FOXK1: variants seen among roughly 807,000 people sequenced by gnomAD.
The protein encoded by FOXK1 is forkhead box protein K1.
A neutral mutation model predicts 51.9 loss-of-function variants in FOXK1; 19 were observed. The observed-to-expected ratio is 0.37, with a 90% CI of 0.26 to 0.54. FOXK1 has a LOEUF of 0.54. Among genes scored for constraint, FOXK1 ranks in the 20% least tolerant of loss-of-function variants. The pLI is 0.87. For missense variants in FOXK1, 870 were observed against 1,032.7 expected, an observed-to-expected ratio of 0.84 and a Z score of 2.16; for synonymous variants, 537 against 482.6, an observed-to-expected ratio of 1.11 and a Z score of -1.48.
Position 4,749,608 on chromosome 7 carries a change from G to A in FOXK1, c.747-4851G>A, listed in dbSNP as rs952588106. 6.6e-6 allele frequency among the ~76,000 whole-genome samples: 1 copy of A among 152,174 alleles called. No homozygotes were observed. Among genetic ancestry groups the A allele is most frequent in the African/African-American group, 2.4e-5 (1 of 41,444 alleles). On this transcript the variant is annotated intron_variant, in intron 2 of 8. Transcript: ENST00000328914. This position sits in a 1 kb window ranked among gnomAD's most constrained non-coding sequence, Gnocchi z 6.0. ...AGGCGGGTCCCTCTGTGTCTCTAGG[G>A]CTTCAGGAGGGATCAGGTCCCTTCT...
In FOXK1 at chr7:4,729,404, T is replaced by C. The variant is rs898013359; in HGVS notation, c.561-11434T>C. 3.9e-5 allele frequency among the ~76,000 whole-genome samples: 6 copies of C among 152,088 alleles called. No homozygotes were observed. Among genetic ancestry groups the C allele is most frequent in the Non-Finnish European group, 7.4e-5 (5 of 68,014 alleles). On this transcript the variant is annotated intron_variant, in intron 1 of 8. Coordinates refer to ENST00000328914, the MANE Select transcript of FOXK1 (RefSeq NM_001037165.2). This position sits in a 1 kb window ranked among gnomAD's most constrained non-coding sequence, Gnocchi z 6.2. ...GTCACCACGGGTCCCCATGTTGGGA[T>C]TGGGAAGCAGTCACCTACCAGATGA...
At position 4,758,015 on chromosome 7, in the gene FOXK1, G is replaced by A. The variant is rs1201511602; in HGVS notation, c.1244+828G>A. ...ATTAAAAATAAGATTTTAGTTCTTA[G>A]AAGTGGAAATGTGTGTAGCAATAGG... On this transcript the variant is annotated intron_variant, in intron 5 of 8. Coordinates refer to ENST00000328914, the MANE Select transcript of FOXK1 (RefSeq NM_001037165.2). This position sits in a 1 kb window ranked among gnomAD's most constrained non-coding sequence, Gnocchi z 4.4. The A allele has an allele frequency of 6.6e-6, 1 of 152,236 alleles. No individual in the cohort carries two copies. Among genetic ancestry groups the A allele is most frequent in the African/African-American group, 2.4e-5 (1 of 41,454 alleles). The allele number at this position is 152,236 out of a possible 1,614,324, so 9.4% of individuals were successfully genotyped here.
Position 4,762,538 on chromosome 7 carries a change from C to A in FOXK1, c.*74C>A. 16 of 1,440,706 alleles carry A rather than the reference C, an allele frequency of 1.1e-5. No individual in the cohort carries two copies. Among genetic ancestry groups the A allele is most frequent in the Non-Finnish European group, 1.5e-5 (16 of 1,077,754 alleles). The allele number at this position is 1,440,706 out of a possible 1,614,324, so 89.2% of individuals were successfully genotyped here. On this transcript the variant is annotated 3_prime_UTR_variant, in exon 9 of 9. Transcript: ENST00000328914. This position sits in a 1 kb window ranked among gnomAD's most constrained non-coding sequence, Gnocchi z 5.7. ...AGCTGGACCCGGCAGCTCAGGCGGCCGCACCCACAGACGGAGGAGAACAGC... is the reference window on the plus strand; with the variant it reads ...AGCTGGACCCGGCAGCTCAGGCGGCAGCACCCACAGACGGAGGAGAACAGC...
rs1780425435 is a variant in FOXK1 at position 4,729,706 on chromosome 7, C to T, written c.561-11132C>T. Among the ~76,000 whole-genome samples the T allele has an allele frequency of 1.3e-5, 2 of 152,150 alleles. No individual in the cohort carries two copies. The highest frequency in any genetic ancestry group is 2.1e-4 in the South Asian group (1 of 4,832). ...GAGACTTCAGCTTCAAAAAGAAACC[C>T]TGGCCGGGTGCAGCAGCTCACGCCT... On this transcript the variant is annotated intron_variant, in intron 1 of 8. Transcript: ENST00000328914. The surrounding 1 kb of genome is among the most constrained non-coding windows in gnomAD (Gnocchi z 6.2).
chr7:4,734,749 G>T lies in FOXK1; in HGVS notation c.561-6089G>T, dbSNP rs972309432. Among the ~76,000 whole-genome samples the T allele has an allele frequency of 6.6e-6, 1 of 152,152 alleles. No individual in the cohort carries two copies. Among genetic ancestry groups the T allele is most frequent in the East Asian group, 1.9e-4 (1 of 5,190 alleles). ...TGGTCCTCCTGCAGAATTTCAGGTCGCAAGGCTATTTTTGGCGTGAGATGT... is the reference window on the plus strand; with the variant it reads ...TGGTCCTCCTGCAGAATTTCAGGTCTCAAGGCTATTTTTGGCGTGAGATGT... On this transcript the variant is annotated intron_variant, in intron 1 of 8. Coordinates refer to ENST00000328914, the MANE Select transcript of FOXK1 (RefSeq NM_001037165.2). This position sits in a 1 kb window ranked among gnomAD's most constrained non-coding sequence, Gnocchi z 5.2.
chr7:4,691,239 TTTTGCTTTACTTA>T (rs571737972), intron 1 of FOXK1, among the ~76,000 whole-genome samples: 1 of 152,340 alleles, frequency 6.6e-6, no homozygotes, highest in East Asian at 1.9e-4. Flanking sequence ...TTTGGGCATG[TTTTGCTTTACTTA>T]AACATAACAG....
chr7:4,718,488 A>AC (rs1780267031), intron 1 of FOXK1, among the ~76,000 whole-genome samples: 1 of 151,430 alleles, frequency 6.6e-6, no homozygotes, highest in Non-Finnish European at 1.5e-5. Flanking sequence ...TGTTTGTTTG[A>AC]CCCCCTGTCT....
In FOXK1 at chr7:4,738,079, G is replaced by A. The variant is rs985827025; in HGVS notation, c.561-2759G>A. Among the ~76,000 whole-genome samples the A allele has an allele frequency of 1.1e-4, 17 of 149,664 alleles. No homozygotes were observed. The South Asian group carries it at 3.0e-3, about 26-fold the overall frequency. On this transcript the variant is annotated intron_variant, in intron 1 of 8. Coordinates refer to ENST00000328914, the MANE Select transcript of FOXK1 (RefSeq NM_001037165.2). Reference sequence around the variant, plus strand: ...TGAGGTTGCGGTGAGCCAAGATTGCGCCATTGCACTCCACCCTGGGCAATA... The same window carrying A: ...TGAGGTTGCGGTGAGCCAAGATTGCACCATTGCACTCCACCCTGGGCAATA...
intron 1 of FOXK1, among the ~76,000 whole-genome samples, chr7:4,716,955 ATGGCTGGGAGGCGTG>A: frequency 6.6e-6 from 1 of 151,392 alleles, no homozygotes; most frequent in African/African-American, 2.4e-5. Context: ...TGGGAGGCGC[ATGGCTGGGAGGCGTG>A]TGGCTGGGAG....
chr7:4,740,268 A>C (rs1780615244), intron 1 of FOXK1, among the ~76,000 whole-genome samples: 1 of 152,106 alleles, frequency 6.6e-6, no homozygotes, highest in South Asian at 2.1e-4. Context: ...GTCTCTACTA[A>C]AAATATAAAA....
Position 4,735,756 on chromosome 7 carries a change from A to C in FOXK1, c.561-5082A>C, listed in dbSNP as rs542863916. Reference sequence around the variant, plus strand: ...CCACCGTGCAGCACCTTCACGATGCAAAACGTGCTCGTTCAGACTCCAGCT... The same window carrying C: ...CCACCGTGCAGCACCTTCACGATGCCAAACGTGCTCGTTCAGACTCCAGCT... On this transcript the variant is annotated intron_variant, in intron 1 of 8. Coordinates refer to ENST00000328914, the MANE Select transcript of FOXK1 (RefSeq NM_001037165.2). This position sits in a 1 kb window ranked among gnomAD's most constrained non-coding sequence, Gnocchi z 4.7. Among the ~76,000 whole-genome samples, 126 of 152,342 alleles carry C rather than the reference A, an allele frequency of 8.3e-4. No individual in the cohort carries two copies. The highest frequency in any genetic ancestry group is 1.6e-3 in the Non-Finnish European group (109 of 68,024).
At chr7:4,752,923 C>T (rs1328666506) in intron 2 of FOXK1, among the ~76,000 whole-genome samples, 1 of 152,230 alleles carries the variant, frequency 6.6e-6, no homozygotes, top group Non-Finnish European at 1.5e-5. Context: ...CTCTCCCCTT[C>T]TCATCTTACT....
At position 4,683,469 on chromosome 7, in the gene FOXK1, C is replaced by A. The variant is rs1216671321; in HGVS notation, c.560+601C>A. 6.6e-6 allele frequency among the ~76,000 whole-genome samples: 1 copy of A among 151,966 alleles called. No homozygotes were observed. The highest frequency in any genetic ancestry group is 2.4e-5 in the African/African-American group (1 of 41,380). ...TGACCGCTAACCCCACAAGCCTGGGCTCGCAGGGCCACTCCCACCCCAGCT... is the reference window on the plus strand; with the variant it reads ...TGACCGCTAACCCCACAAGCCTGGGATCGCAGGGCCACTCCCACCCCAGCT... On this transcript the variant is annotated intron_variant, in intron 1 of 8. Coordinates refer to ENST00000328914, the MANE Select transcript of FOXK1 (RefSeq NM_001037165.2). This position sits in a 1 kb window ranked among gnomAD's most constrained non-coding sequence, Gnocchi z 4.5.
chr7:4,724,482 C>T (rs1400492150), intron 1 of FOXK1, among the ~76,000 whole-genome samples: 1 of 152,222 alleles, frequency 6.6e-6, no homozygotes, highest in Non-Finnish European at 1.5e-5. Context: ...AGGCGTGAGC[C>T]ACTGTGCCTG....
chr7:4,760,987 G>T, intron 7 of FOXK1, 77 bp from the exon 8 acceptor site: 2 of 1,417,354 alleles, frequency 1.4e-6, no homozygotes, highest in South Asian at 1.2e-5. Context: ...CCACTTGTCC[G>T]ACCTGCTGCC....
rs1170714313 is a variant in FOXK1 at position 4,766,985 on chromosome 7, G to A, written c.*4521G>A. The A allele has an allele frequency of 6.6e-6, 1 of 152,228 alleles. No homozygotes were observed. The highest frequency in any genetic ancestry group is 1.9e-4 in the East Asian group (1 of 5,194). The allele number at this position is 152,228 out of a possible 1,614,324, so 9.4% of individuals were successfully genotyped here. ...GGAGACAAAGAACAGACCTCAGTGG[G>A]AAAAATGAAAACGTAATGGAACACG... is the stretch of plus-strand genomic sequence containing the variant. On this transcript the variant is annotated 3_prime_UTR_variant, in exon 9 of 9. Coordinates refer to ENST00000328914, the MANE Select transcript of FOXK1 (RefSeq NM_001037165.2). The surrounding 1 kb of genome is among the most constrained non-coding windows in gnomAD (Gnocchi z 5.5).
intron 1 of FOXK1, among the ~76,000 whole-genome samples, chr7:4,694,558 C>A (rs1489185057): frequency 1.3e-5 from 2 of 152,216 alleles, no homozygotes; most frequent in Non-Finnish European, 2.9e-5. Flanking sequence ...CCTCCCAGCC[C>A]CGCCCACAGA....
intron 1 of FOXK1, among the ~76,000 whole-genome samples, chr7:4,736,414 G>GTTT (rs1251974538): frequency 1.5e-5 from 2 of 131,316 alleles, no homozygotes; most frequent in African/African-American, 2.8e-5. Context: ...AATCAGTTTT[G>GTTT]TTTTTTTTTT....
rs1331244570 is a variant in FOXK1 at position 4,711,962 on chromosome 7, C to T, written c.561-28876C>T. The stretch of plus-strand genomic sequence containing the variant: ...GGGAGGGGCAGAGGGCAGGTGCCGC[C>T]GAGCAGGAGGGAGGACGCGGCAGGT... On this transcript the variant is annotated intron_variant, in intron 1 of 8. Coordinates refer to ENST00000328914, the MANE Select transcript of FOXK1 (RefSeq NM_001037165.2). This position sits in a 1 kb window ranked among gnomAD's most constrained non-coding sequence, Gnocchi z 6.3. 3.3e-5 allele frequency among the ~76,000 whole-genome samples: 5 copies of T among 151,748 alleles called. No individual in the cohort carries two copies. Among genetic ancestry groups the T allele is most frequent in the Admixed American group, 2.0e-4 (3 of 15,248 alleles).
Sources: allele counts gnomAD v4.1 joint callset (sites outside exome capture counted in the v4.1 genomes callset), GRCh38; gene constraint gnomAD v4.1.1; non-coding constraint Gnocchi (gnomAD v3.1); transcripts MANE v1.5; gene names NCBI Gene and HGNC (gene_info 2026-07-23, HGNC 2026-07-21).